Variants in PXDC1 observed in about 807,000 individuals in gnomAD.
PXDC1 encodes the protein PX domain-containing protein 1.
PXDC1 carries 13 observed loss-of-function variants against 24.4 expected under a neutral mutation model. The ratio of observed to expected loss-of-function variants is 0.53; its 90% CI spans 0.35 to 0.85. The LOEUF (loss-of-function observed/expected upper bound fraction) is 0.85, where lower values mean the gene tolerates loss of function less well. Ranked by LOEUF, PXDC1 falls within the 40% of genes least tolerant of loss-of-function variation. The pLI, the probability that PXDC1 is intolerant of heterozygous loss-of-function variation, is 0.01. For synonymous variants in PXDC1, 162 were observed against 124.9 expected, an observed-to-expected ratio of 1.30 and a Z score of -1.98; for missense variants, 344 against 309.3, an observed-to-expected ratio of 1.11 and a Z score of -0.84.
intron 1 of PXDC1, among the ~76,000 whole-genome samples, chr6:3,746,017 G>A (rs771623894): frequency 6.6e-6 from 1 of 152,224 alleles, no homozygotes; most frequent in Non-Finnish European, 1.5e-5. Context: ...ACCACATATG[G>A]TGTGCGTTCA....
intron 3 of PXDC1, among the ~76,000 whole-genome samples, chr6:3,735,115 C>T (rs933752771): frequency 6.6e-6 from 1 of 152,080 alleles, no homozygotes. Context: ...GCAAAACAAT[C>T]CTAAAATGTA....
rs1056045004 is a variant in PXDC1 at position 3,725,155 on chromosome 6, T to C, written c.579-1419A>G. ...TGGATGGAAACCCAAGGGGGAACCT[T>C]GGGCGTGCCGAAAGGTTCAAGCCAG... is the stretch of plus-strand genomic sequence containing the variant. On this transcript the variant is annotated intron_variant, in intron 4 of 4. Transcript: ENST00000380283. The surrounding 1 kb of genome is among the most constrained non-coding windows in gnomAD (Gnocchi z 4.8). Among the ~76,000 whole-genome samples the C allele has an allele frequency of 5.3e-5, 8 of 152,028 alleles. No individual in the cohort carries two copies. The highest frequency in any genetic ancestry group is 1.2e-4 in the Non-Finnish European group (8 of 67,980).
chr6:3,727,577 C>A lies in PXDC1; in HGVS notation c.552G>T (p.Gln184His), dbSNP rs226959. The A allele has an allele frequency of 6.2e-7, 1 of 1,611,670 alleles. No homozygotes were observed. Residue 184 changes from glutamine (Q) to histidine (H), a missense_variant, in exon 4 of 5, where the codon CAG (glutamine) becomes CAT (histidine). Physicochemically the swap from Gln to His is conservative, Grantham distance 24. Transcript: ENST00000380283. Reference sequence around the variant, plus strand: ...AATGCTCTGTTGGGTCCACGCCCAGCTGCTGGTCTCTTCCATTTGGTATAC... The same window carrying A: ...AATGCTCTGTTGGGTCCACGCCCAGATGCTGGTCTCTTCCATTTGGTATAC... ...DHSIPNGRDQQLGVDPTEHLF... is the reference protein window; with the variant it reads ...DHSIPNGRDQHLGVDPTEHLF...
rs1760123596 is a variant in PXDC1, at chr6:3,728,569, G to A, written c.467-907C>T. ...GCATGGCATGAGCTAGAGGGTGGAA[G>A]TCTGCGCTCGTCCTTGGCTGGAGGG... On this transcript the variant is annotated intron_variant, in intron 3 of 4. Coordinates refer to ENST00000380283, the MANE Select transcript of PXDC1 (RefSeq NM_183373.4). This position sits in a 1 kb window ranked among gnomAD's most constrained non-coding sequence, Gnocchi z 4.0. Among the ~76,000 whole-genome samples the A allele has an allele frequency of 6.6e-6, 1 of 152,180 alleles. No homozygotes were observed. Among genetic ancestry groups the A allele is most frequent in the Admixed American group, 6.5e-5 (1 of 15,278 alleles).
At chr6:3,750,869 C>G (rs991719737) in intron 1 of PXDC1, among the ~76,000 whole-genome samples, 13 of 152,166 alleles carry the variant, frequency 8.5e-5, no homozygotes, top group African/African-American at 3.1e-4. Context: ...TTAACTGCTC[C>G]CAGACGCTTT....
intron 1 of PXDC1, chr6:3,751,039 C>T: frequency 2.1e-6 from 1 of 474,566 alleles, no homozygotes; most frequent in East Asian, 3.6e-5. Context: ...CGGCCCCTTT[C>T]CCGCCCCATT....
At chr6:3,734,447 C>G (rs1581245037) in intron 3 of PXDC1, among the ~76,000 whole-genome samples, 1 of 152,324 alleles carries the variant, frequency 6.6e-6, no homozygotes, top group East Asian at 1.9e-4. Context: ...GGACTCTCCC[C>G]ACTCAGACTA....
chr6:3,736,505 A>G (rs1467422233), intron 3 of PXDC1, among the ~76,000 whole-genome samples: 1 of 152,158 alleles, frequency 6.6e-6, no homozygotes, highest in Admixed American at 6.5e-5. Context: ...AATCCTCCTC[A>G]TCAGCCTTTG....
chr6:3,728,686 T>C lies in PXDC1; in HGVS notation c.467-1024A>G, dbSNP rs1381928778. Among the ~76,000 whole-genome samples, 1 of 152,160 alleles carries C rather than the reference T, an allele frequency of 6.6e-6. No individual in the cohort carries two copies. The highest frequency in any genetic ancestry group is 1.5e-5 in the Non-Finnish European group (1 of 68,028). ...GAAAAATTTCAAAGTTGTATTAATC[T>C]CTGAGGATCCTTCTCACTCTGAAAT... On this transcript the variant is annotated intron_variant, in intron 3 of 4. Coordinates refer to ENST00000380283, the MANE Select transcript of PXDC1 (RefSeq NM_183373.4). The surrounding 1 kb of genome is among the most constrained non-coding windows in gnomAD (Gnocchi z 4.0).
intron 1 of PXDC1, among the ~76,000 whole-genome samples, chr6:3,744,547 G>A (rs73722552): frequency 0.061 from 9,226 of 152,282 alleles, 945 homozygotes; most frequent in African/African-American, 0.21. Flanking sequence ...GGAAGGTGGA[G>A]GGCAGGGGTG....
At chr6:3,727,808 G>A (rs945042985) in intron 3 of PXDC1, 146 bp from the exon 4 acceptor site, 10 of 616,812 alleles carry the variant, frequency 1.6e-5, no homozygotes, top group Non-Finnish European at 2.3e-5. Context: ...CCGTGCACCC[G>A]AGACCCATTC....
chr6:3,731,028 A>G (rs1327344005), intron 3 of PXDC1, among the ~76,000 whole-genome samples: 1 of 152,246 alleles, frequency 6.6e-6, no homozygotes, highest in Non-Finnish European at 1.5e-5. Context: ...TAAAGAATCT[A>G]GCAAATACTG....
chr6:3,733,368 G>T (rs971889172), intron 3 of PXDC1, among the ~76,000 whole-genome samples: 13 of 152,160 alleles, frequency 8.5e-5, no homozygotes, highest in African/African-American at 3.1e-4. Context: ...AAGGGATGTT[G>T]GGGCTATTTA....
intron 1 of PXDC1, among the ~76,000 whole-genome samples, chr6:3,743,144 G>GGT (rs1760485984): frequency 6.6e-6 from 1 of 152,162 alleles, no homozygotes; most frequent in South Asian, 2.1e-4. Flanking sequence ...TTCCTCCAGG[G>GGT]AGGACCTTGG....
At chr6:3,750,339 A>G (rs537978713) in intron 1 of PXDC1, among the ~76,000 whole-genome samples, 2 of 152,246 alleles carry the variant, frequency 1.3e-5, no homozygotes, top group Non-Finnish European at 2.9e-5. Flanking sequence ...CACTGTCCCA[A>G]TGTTCCGAGC....
intron 1 of PXDC1, among the ~76,000 whole-genome samples, chr6:3,746,875 G>C (rs1206640279): frequency 6.6e-6 from 1 of 152,088 alleles, no homozygotes; most frequent in Non-Finnish European, 1.5e-5. Context: ...TCCTAGAGCT[G>C]TCAGGGTTGT....
In PXDC1 at chr6:3,723,583, T is replaced by G; in HGVS notation, c.*36A>C. ...CAGTGGACAGCATCAGAGCTGGCAG[T>G]GAACAGCTGAGGCGGGGGAGGCCTG... On this transcript the variant is annotated 3_prime_UTR_variant, in exon 5 of 5. Transcript: ENST00000380283. The G allele has an allele frequency of 1.3e-6, 2 of 1,481,952 alleles. No individual in the cohort carries two copies. The highest frequency in any genetic ancestry group is 1.9e-6 in the Non-Finnish European group (2 of 1,060,678). The allele number at this position is 1,481,952 out of a possible 1,614,324, so 91.8% of individuals were successfully genotyped here.
chr6:3,740,850 TC>T (rs1284854877), intron 1 of PXDC1, among the ~76,000 whole-genome samples: 4 of 152,234 alleles, frequency 2.6e-5, no homozygotes, highest in Non-Finnish European at 4.4e-5. Flanking sequence ...AGCCTCTTGC[TC>T]CTCTGCAATG....
chr6:3,742,015 T>C (rs1483193581), intron 1 of PXDC1, among the ~76,000 whole-genome samples: 1 of 152,244 alleles, frequency 6.6e-6, no homozygotes, highest in African/African-American at 2.4e-5. Flanking sequence ...TCACTAAGGT[T>C]TCTCAGTTTC....
Sources: allele counts gnomAD v4.1 joint callset (sites outside exome capture counted in the v4.1 genomes callset), GRCh38; gene constraint gnomAD v4.1.1; non-coding constraint Gnocchi (gnomAD v3.1); transcripts MANE v1.5; gene names NCBI Gene and HGNC (gene_info 2026-07-23, HGNC 2026-07-21).